The following STXBP5 variants were observed in gnomAD, a reference collection of about 807,000 sequenced individuals.
The protein encoded by STXBP5 is syntaxin-binding protein 5.
STXBP5 carries 50 observed loss-of-function variants against 152.4 expected under a neutral mutation model. The ratio of observed to expected loss-of-function variants is 0.33; its 90% CI spans 0.26 to 0.42. The LOEUF (loss-of-function observed/expected upper bound fraction) is 0.42, where lower values mean the gene tolerates loss of function less well. Among genes scored for constraint, STXBP5 ranks in the 10% least tolerant of loss-of-function variants. The pLI is 1.00. For missense variants in STXBP5, 1,167 were observed against 1,388.6 expected, an observed-to-expected ratio of 0.84 and a Z score of 2.54; for synonymous variants, 492 against 494.7, an observed-to-expected ratio of 0.99 and a Z score of 0.07.
Position 147,341,457 on chromosome 6 carries a change from C to G in STXBP5, c.2254+2073C>G, listed in dbSNP as rs527646399. Among the ~76,000 whole-genome samples, 5 of 152,256 alleles carry G rather than the reference C, an allele frequency of 3.3e-5. No homozygotes were observed. The South Asian group carries it at 1.0e-3, about 32-fold the overall frequency. ...AAGTATCCTGAACCTCATGAACTTA[C>G]CACCTCTTCTTCCTCAATATACAAG... On this transcript the variant is annotated intron_variant, in intron 21 of 27. Transcript: ENST00000321680.
intron 4 of STXBP5, among the ~76,000 whole-genome samples, chr6:147,256,587 GTCTT>G (rs1296809212): frequency 6.6e-6 from 1 of 152,150 alleles, no homozygotes; most frequent in African/African-American, 2.4e-5. Flanking sequence ...AGCTATTAGA[GTCTT>G]TCAAGTAGAT....
chr6:147,376,406 A>T (rs959305454), intron 26 of STXBP5, among the ~76,000 whole-genome samples: 1 of 152,242 alleles, frequency 6.6e-6, no homozygotes, highest in Non-Finnish European at 1.5e-5. Context: ...AATACAAAGC[A>T]GGTGGGATAA....
intron 4 of STXBP5, among the ~76,000 whole-genome samples, chr6:147,246,938 C>T (rs1421915823): frequency 1.3e-5 from 2 of 152,076 alleles, no homozygotes; most frequent in Admixed American, 6.5e-5. Flanking sequence ...TTCCCAGTAT[C>T]GTAAGTAAAT....
intron 6 of STXBP5, among the ~76,000 whole-genome samples, chr6:147,264,623 CTA>C (rs1385243294): frequency 6.6e-6 from 1 of 152,042 alleles, no homozygotes; most frequent in African/African-American, 2.4e-5. Flanking sequence ...CACATACACA[CTA>C]ATGCTTTTTC....
chr6:147,303,638 A>C (rs1781940984), intron 9 of STXBP5, among the ~76,000 whole-genome samples: 1 of 152,252 alleles, frequency 6.6e-6, no homozygotes, highest in Non-Finnish European at 1.5e-5. Context: ...GGAAGAAGAC[A>C]GAAAGATGTA....
intron 21 of STXBP5, among the ~76,000 whole-genome samples, chr6:147,350,704 A>G (rs577522578): frequency 5.3e-5 from 8 of 152,300 alleles, no homozygotes; most frequent in Admixed American, 3.3e-4. Flanking sequence ...ATTCGCAAGT[A>G]TAGTAGTAGC....
intron 26 of STXBP5, among the ~76,000 whole-genome samples, chr6:147,377,140 T>G (rs1435708012): frequency 6.6e-6 from 1 of 152,174 alleles, no homozygotes; most frequent in East Asian, 1.9e-4. Flanking sequence ...AAAATAACTT[T>G]AGTGTATACA....
At chr6:147,339,480 A>AT in intron 21 of STXBP5, 96 bp downstream of exon 21, 1 of 942,602 alleles carries the variant, frequency 1.1e-6, no homozygotes, top group African/African-American at 1.7e-5. Flanking sequence ...TTTTGTGTAA[A>AT]TTTGTTGTTC....
chr6:147,361,733 A>G (rs1785076709), intron 23 of STXBP5, among the ~76,000 whole-genome samples: 1 of 152,190 alleles, frequency 6.6e-6, no homozygotes, highest in Non-Finnish European at 1.5e-5. Context: ...TACTAGAACA[A>G]TATATGTGCT....
At position 147,204,495 on chromosome 6, in the gene STXBP5, C is replaced by T. The variant is rs1261633189; in HGVS notation, c.-38C>T. On this transcript the variant is annotated 5_prime_UTR_variant, in exon 1 of 28. Transcript: ENST00000321680. The surrounding 1 kb of genome is among the most constrained non-coding windows in gnomAD (Gnocchi z 4.3). ...CTCCCCCGCCCGGGGACCCCCTGTG[C>T]CTCCCCTCCCGGGCTGCGGGGGAGC... 6.2e-7 allele frequency: 1 copy of T among 1,604,940 alleles called. No individual in the cohort carries two copies. The highest frequency in any genetic ancestry group is 2.3e-5 in the East Asian group (1 of 44,258).
rs1776443247 is a variant in STXBP5, at chr6:147,204,655, C to G, written c.123C>G (p.Leu41=). Residue 41 remains leucine, a synonymous_variant, in exon 1 of 28, where the codon CTC becomes CTG. Transcript: ENST00000321680. This position sits in a 1 kb window ranked among gnomAD's most constrained non-coding sequence, Gnocchi z 4.3. The part of the protein sequence containing the change: ...GNREPEIQET[L]QSEHFQLCKT... ...GGGAGCCGGAGATCCAGGAAACGCT[C>G]CAGTCCGAGCACTTTCAGCTCTGCA... 2.5e-6 allele frequency: 4 copies of G among 1,609,088 alleles called. No homozygotes were observed. The East Asian group carries it at 6.8e-5, about 27-fold the overall frequency.
At chr6:147,220,906 T>C (rs1777425531) in intron 2 of STXBP5, among the ~76,000 whole-genome samples, 1 of 152,140 alleles carries the variant, frequency 6.6e-6, no homozygotes, top group South Asian at 2.1e-4. Context: ...CCATATTTGT[T>C]ACTGTTCTCT....
At chr6:147,260,373 C>T (rs1779584795) in intron 4 of STXBP5, among the ~76,000 whole-genome samples, 1 of 152,124 alleles carries the variant, frequency 6.6e-6, no homozygotes, top group Admixed American at 6.6e-5. Flanking sequence ...AGATTTGAAA[C>T]ACATTCTAAC....
chr6:147,327,207 T>C lies in STXBP5; in HGVS notation c.2011T>C (p.Leu671=). 1.2e-6 allele frequency: 2 copies of C among 1,614,124 alleles called. No individual in the cohort carries two copies. The highest frequency in any genetic ancestry group is 1.7e-5 in the Admixed American group (1 of 60,024). ...GCTGCTCAACCTGGGCACTATTGAA[T>C]TATATGGCTCTAATGATCCTTATCG... ...AVLLNLGTIE[L]YGSNDPYRRE... is the part of the protein sequence containing the mutation. The change falls in exon 18 of 28, where the codon TTA becomes CTA. Residue 671 remains leucine, a synonymous_variant. Coordinates refer to ENST00000321680, the MANE Select transcript of STXBP5 (RefSeq NM_001127715.4).
chr6:147,286,757 C>T (rs1042625784), intron 8 of STXBP5, among the ~76,000 whole-genome samples: 1 of 152,020 alleles, frequency 6.6e-6, no homozygotes, highest in Admixed American at 6.6e-5. Context: ...TTTTCATACA[C>T]ATGTATCATT....
At chr6:147,276,222 C>G (rs1348786000) in intron 7 of STXBP5, among the ~76,000 whole-genome samples, 1 of 152,196 alleles carries the variant, frequency 6.6e-6, no homozygotes, top group South Asian at 2.1e-4. Context: ...TTAGAAAACA[C>G]GTCTTGTATT....
chr6:147,262,150 C>G (rs1189127798), intron 5 of STXBP5, 140 bp from the exon 6 acceptor site: 1 of 586,046 alleles, frequency 1.7e-6, no homozygotes, highest in Non-Finnish European at 2.9e-6. Context: ...AACTATATGC[C>G]TATTATTTAT....
At chr6:147,290,205 T>G (rs2128351336) in intron 8 of STXBP5, among the ~76,000 whole-genome samples, 1 of 151,962 alleles carries the variant, frequency 6.6e-6, no homozygotes, top group South Asian at 2.1e-4. Context: ...TGAGACCTTG[T>G]CTCAAAAAAA....
At chr6:147,336,587 T>C (rs1274252413) in intron 19 of STXBP5, among the ~76,000 whole-genome samples, 1 of 152,090 alleles carries the variant, frequency 6.6e-6, no homozygotes, top group African/African-American at 2.4e-5. Context: ...TAAAAATTAG[T>C]AATTAAATTA....
Sources: gnomAD v4.1 joint callset for allele counts (sites outside exome capture counted in the v4.1 genomes callset) on GRCh38, gnomAD v4.1.1 for gene constraint, Gnocchi (gnomAD v3.1) non-coding constraint, MANE v1.5 for transcripts, NCBI Gene and HGNC (gene_info 2026-07-23, HGNC 2026-07-21) for gene names.